The following SERTM2 variants were observed in gnomAD, a reference collection of about 807,000 sequenced individuals.
The protein encoded by SERTM2 is serine-rich and transmembrane domain-containing protein 2.
chrX:111,515,306 A>G (rs922881873), intron 2 of SERTM2, among the ~76,000 whole-genome samples: 3 of 111,474 alleles, frequency 2.7e-5, no homozygotes, highest in Non-Finnish European at 5.7e-5. Flanking sequence ...GCAGGTGAAA[A>G]AGTAACTTAG....
chrX:111,512,008 G>C lies in SERTM2; in HGVS notation c.-870G>C. 3.4e-6 allele frequency: 1 copy of C among 296,663 alleles called. No individual in the cohort carries two copies. 24.4% of individuals were successfully genotyped at this position (296,663 alleles called of 1,213,427 possible). ...CATTCTATGTTCCAGCTATTCCAGA[G>C]ATGTTCCTGAACAAGTTACCTGTTG... is the stretch of plus-strand genomic sequence containing the variant. On this transcript the variant is annotated 5_prime_UTR_variant, in exon 2 of 3. Coordinates refer to ENST00000569275, the MANE Select transcript of SERTM2 (RefSeq NM_001354473.2).
Position 111,520,120 on chromosome X carries a change from T to C in SERTM2, c.*990T>C, listed in dbSNP as rs942188864. On this transcript the variant is annotated 3_prime_UTR_variant, in exon 3 of 3. Transcript: ENST00000569275. ...AACAACATCCTCCAACAAATCCTTA[T>C]TGAGATCAATGTCCTCAAATGTCAC... 1 of 111,718 alleles carries C rather than the reference T, an allele frequency of 9.0e-6. No homozygotes were observed. Among genetic ancestry groups the C allele is most frequent in the Non-Finnish European group, 1.9e-5 (1 of 53,135 alleles). 9.2% of individuals were successfully genotyped at this position (111,718 alleles called of 1,213,427 possible).
intron 2 of SERTM2, among the ~76,000 whole-genome samples, chrX:111,513,153 C>G (rs947486418): frequency 2.8e-5 from 3 of 108,596 alleles, no homozygotes; most frequent in African/African-American, 1.0e-4. Context: ...CCTTCCTTCT[C>G]CCCCTCATAA....
rs1401579884 is a variant in SERTM2, at chrX:111,511,713, C to T, written c.-1002C>T. 2 of 167,714 alleles carry T rather than the reference C, an allele frequency of 1.2e-5. No individual in the cohort carries two copies. The highest frequency in any genetic ancestry group is 2.2e-5 in the Non-Finnish European group (2 of 89,153). 13.8% of individuals were successfully genotyped at this position (167,714 alleles called of 1,213,427 possible). Reference sequence around the variant, plus strand: ...TTGCCTGCGAAAGAGGAACTGGGGACTTAGACTAATTCAGGCTGCTTTCAT... The same window carrying T: ...TTGCCTGCGAAAGAGGAACTGGGGATTTAGACTAATTCAGGCTGCTTTCAT... On this transcript the variant is annotated 5_prime_UTR_variant, in exon 1 of 3. Transcript: ENST00000569275.
Position 111,522,004 on chromosome X carries a change from T to G in SERTM2, c.*2874T>G, listed in dbSNP as rs180832241. 1.3e-4 allele frequency: 14 copies of G among 111,920 alleles called. No homozygotes were observed. Among genetic ancestry groups the G allele is most frequent in the Admixed American group, 1.2e-3 (13 of 10,511 alleles). The allele number at this position is 111,920 out of a possible 1,213,427, so 9.2% of individuals were successfully genotyped here. The stretch of plus-strand genomic sequence containing the variant: ...TTGTAAAAGGCTTATGTATTATGTA[T>G]TATGTATTAAGTAGGAAATATTAAG... On this transcript the variant is annotated 3_prime_UTR_variant, in exon 3 of 3. Transcript: ENST00000569275.
chrX:111,517,994 A>G (rs1930347423), intron 2 of SERTM2, 81 bp from the exon 3 acceptor site: 1 of 111,992 alleles, frequency 8.9e-6, no homozygotes, highest in African/African-American at 3.2e-5. Flanking sequence ...CAATTTATCA[A>G]TTTATTTTTA....
At chrX:111,513,940 G>A (rs897584023) in intron 2 of SERTM2, among the ~76,000 whole-genome samples, 3 of 111,331 alleles carry the variant, frequency 2.7e-5, no homozygotes, top group African/African-American at 9.8e-5. Context: ...TGTGTAGGAG[G>A]CAGAAAATGT....
At chrX:111,516,861 A>G in intron 2 of SERTM2, among the ~76,000 whole-genome samples, 1 of 111,803 alleles carries the variant, frequency 8.9e-6, no homozygotes, top group Non-Finnish European at 1.9e-5. Flanking sequence ...CTCCTTGGGT[A>G]TGTTAACAAC....
Position 111,520,053 on chromosome X carries a change from G to C in SERTM2, c.*923G>C, listed in dbSNP as rs945267349. 2 of 110,904 alleles carry C rather than the reference G, an allele frequency of 1.8e-5. No individual in the cohort carries two copies. The highest frequency in any genetic ancestry group is 1.9e-4 in the Admixed American group (2 of 10,411). 9.1% of individuals were successfully genotyped at this position (110,904 alleles called of 1,213,427 possible). A position where few individuals can be genotyped will look rare whatever the true frequency, so the allele number is the denominator to read the frequency against. ...AGTCATCACTATACTCTTTAGATCTGAGCATAAAAAAAAGAGAGAGAGACA... is the reference window on the plus strand; with the variant it reads ...AGTCATCACTATACTCTTTAGATCTCAGCATAAAAAAAAGAGAGAGAGACA... On this transcript the variant is annotated 3_prime_UTR_variant, in exon 3 of 3. Coordinates refer to ENST00000569275, the MANE Select transcript of SERTM2 (RefSeq NM_001354473.2).
intron 2 of SERTM2, among the ~76,000 whole-genome samples, chrX:111,512,565 C>A (rs1240074635): frequency 3.6e-5 from 4 of 111,312 alleles, no homozygotes; most frequent in Non-Finnish European, 7.6e-5. Context: ...CTAGGAGCAC[C>A]CTGAGAACCA....
rs2147487636 is a variant in SERTM2, at chrX:111,511,992, T to C, written c.-880-6T>C. On this transcript the variant is annotated splice_region_variant and splice_polypyrimidine_tract_variant and intron_variant, in intron 1 of 2. Coordinates refer to ENST00000569275, the MANE Select transcript of SERTM2 (RefSeq NM_001354473.2). ...GGCAAAACAAGGCTTTCATTCTATG[T>C]TCCAGCTATTCCAGAGATGTTCCTG... 3.4e-6 allele frequency: 1 copy of C among 295,174 alleles called. No individual in the cohort carries two copies. The highest frequency in any genetic ancestry group is 2.7e-5 in the African/African-American group (1 of 36,575). The allele number at this position is 295,174 out of a possible 1,213,427, so 24.3% of individuals were successfully genotyped here. A position where few individuals can be genotyped will look rare whatever the true frequency, so the allele number is the denominator to read the frequency against.
chrX:111,514,089 A>G (rs1393590881), intron 2 of SERTM2, among the ~76,000 whole-genome samples: 1 of 111,872 alleles, frequency 8.9e-6, no homozygotes, highest in African/African-American at 3.2e-5. Context: ...GTTTCTAACA[A>G]GGTGATAATT....
rs1930358362 is a variant in SERTM2 at position 111,518,623 on chromosome X, G to A, written c.-235G>A. On this transcript the variant is annotated 5_prime_UTR_variant, in exon 3 of 3. Coordinates refer to ENST00000569275, the MANE Select transcript of SERTM2 (RefSeq NM_001354473.2). ...TTTTAAAAATTGATTAAGAAGCTCT[G>A]ATAAAACCTATTGGAGGGGCGATTG... is the stretch of plus-strand genomic sequence containing the variant. 1 of 288,270 alleles carries A rather than the reference G, an allele frequency of 3.5e-6. No individual in the cohort carries two copies. Among genetic ancestry groups the A allele is most frequent in the Non-Finnish European group, 6.0e-6 (1 of 165,467 alleles). 23.8% of individuals were successfully genotyped at this position (288,270 alleles called of 1,213,427 possible). A position where few individuals can be genotyped will look rare whatever the true frequency, so the allele number is the denominator to read the frequency against.
In SERTM2 at chrX:111,521,447, A is replaced by T. The variant is rs1318270748; in HGVS notation, c.*2317A>T. 1 of 111,768 alleles carries T rather than the reference A, an allele frequency of 8.9e-6. No homozygotes were observed. Among genetic ancestry groups the T allele is most frequent in the African/African-American group, 3.3e-5 (1 of 30,751 alleles). 9.2% of individuals were successfully genotyped at this position (111,768 alleles called of 1,213,427 possible). ...TATAAATGGAAATGCTTTTAAGCAGATGTGTCATTATAATGACTCACATGG... is the reference window on the plus strand; with the variant it reads ...TATAAATGGAAATGCTTTTAAGCAGTTGTGTCATTATAATGACTCACATGG... On this transcript the variant is annotated 3_prime_UTR_variant, in exon 3 of 3. Coordinates refer to ENST00000569275, the MANE Select transcript of SERTM2 (RefSeq NM_001354473.2).
rs1003623945 is a variant in SERTM2 at position 111,519,486 on chromosome X, G to T, written c.*356G>T. On this transcript the variant is annotated 3_prime_UTR_variant, in exon 3 of 3. Coordinates refer to ENST00000569275, the MANE Select transcript of SERTM2 (RefSeq NM_001354473.2). The stretch of plus-strand genomic sequence containing the variant: ...CCTGGAAGCTCCAAAAACAAACAAA[G>T]AAGATTTGCTTTTGAAAGGGCTGAT... 8.1e-6 allele frequency: 1 copy of T among 123,653 alleles called. No individual in the cohort carries two copies. Among genetic ancestry groups the T allele is most frequent in the Non-Finnish European group, 1.6e-5 (1 of 61,276 alleles). The allele number at this position is 123,653 out of a possible 1,213,427, so 10.2% of individuals were successfully genotyped here.
intron 2 of SERTM2, 21 bp downstream of exon 2, chrX:111,512,115 T>G: frequency 3.4e-6 from 1 of 294,363 alleles, no homozygotes; most frequent in Non-Finnish European, 5.9e-6. Context: ...TTTGGAAATA[T>G]TACGATGTTA....
intron 2 of SERTM2, among the ~76,000 whole-genome samples, chrX:111,516,828 CG>C (rs1374999666): frequency 1.8e-5 from 2 of 111,235 alleles, no homozygotes; most frequent in African/African-American, 6.5e-5. Context: ...ATAATGTGAC[CG>C]TTGGAGCTAT....
At chrX:111,514,196 C>G (rs924674712) in intron 2 of SERTM2, among the ~76,000 whole-genome samples, 4 of 111,322 alleles carry the variant, frequency 3.6e-5, no homozygotes, top group Non-Finnish European at 7.6e-5. Context: ...ATATTCTTCT[C>G]CAAGCTATAT....
rs902042884 is a variant in SERTM2, at chrX:111,521,146, G to A, written c.*2016G>A. 1 of 112,219 alleles carries A rather than the reference G, an allele frequency of 8.9e-6. No homozygotes were observed. The highest frequency in any genetic ancestry group is 3.2e-5 in the African/African-American group (1 of 30,846). The allele number at this position is 112,219 out of a possible 1,213,427, so 9.2% of individuals were successfully genotyped here. On this transcript the variant is annotated 3_prime_UTR_variant, in exon 3 of 3. Transcript: ENST00000569275. Reference sequence around the variant, plus strand: ...TGAATAGCAAGATACAAAATACCTTGTTGCTGAATCTAATAGAGATACAGA... The same window carrying A: ...TGAATAGCAAGATACAAAATACCTTATTGCTGAATCTAATAGAGATACAGA...
Sources: allele counts gnomAD v4.1 joint callset (sites outside exome capture counted in the v4.1 genomes callset), GRCh38; gene constraint gnomAD v4.1.1; transcripts MANE v1.5; gene names NCBI Gene and HGNC (gene_info 2026-07-23, HGNC 2026-07-21).